Variants in TIAM2 observed in about 807,000 individuals in gnomAD.
TIAM2 encodes the protein TIAM Rac1 associated GEF 2.
In TIAM2, 80 loss-of-function variants were observed where a neutral mutation model predicts 152.9. The observed-to-expected ratio is 0.52, with a 90% CI of 0.44 to 0.63. The LOEUF is 0.63. Among genes scored for constraint, TIAM2 ranks in the 30% least tolerant of loss-of-function variants. TIAM2 has a pLI of 0.00. For missense variants in TIAM2, 1,965 were observed against 2,120.1 expected (o/e 0.93, Z 1.44); for synonymous variants, 804 against 838.0 (o/e 0.96, Z 0.70).
chr6:155,152,782 C>CT (rs1458470207), intron 7 of TIAM2, among the ~76,000 whole-genome samples: 7 of 152,030 alleles, frequency 4.6e-5, no homozygotes, highest in Non-Finnish European at 7.4e-5. Context: ...TTTGGCAACA[C>CT]TGAGAGGCTC....
chr6:155,227,288 G>A (rs548054175), intron 15 of TIAM2, among the ~76,000 whole-genome samples: 2 of 152,330 alleles, frequency 1.3e-5, no homozygotes, highest in South Asian at 4.1e-4. Context: ...TTTGTAAACT[G>A]CAGGGGTGCT....
intron 1 of TIAM2, among the ~76,000 whole-genome samples, chr6:155,017,762 C>A (rs755184552): frequency 6.6e-6 from 1 of 152,084 alleles, no homozygotes; most frequent in Non-Finnish European, 1.5e-5. Flanking sequence ...CTCGGCCTCC[C>A]AAAGTGCTGG....
chr6:155,059,426 C>T (rs993683849), intron 1 of TIAM2, among the ~76,000 whole-genome samples: 2 of 151,946 alleles, frequency 1.3e-5, no homozygotes, highest in African/African-American at 2.4e-5. Flanking sequence ...CAGGTTCAAG[C>T]GATTCTCCTG....
At position 155,183,359 on chromosome 6, in the gene TIAM2, C is replaced by G. The variant is rs764602867; in HGVS notation, c.2923C>G (p.Pro975Ala). ...CGGACTCACTCTGATTGCCCGGCCTCCGGACACAAAAGCAACCCTGTGTAC... is the reference window on the plus strand; with the variant it reads ...CGGACTCACTCTGATTGCCCGGCCTGCGGACACAAAAGCAACCCTGTGTAC... ...SVGLTLIARP[P>A]DTKATLCTSW... The change falls in exon 14 of 27, where the codon CCG becomes GCG. Residue 975 changes from proline (P) to alanine (A), a missense_variant. Physicochemically the swap from Pro to Ala is conservative, Grantham distance 27 (BLOSUM62 -1). This residue lies in a region of TIAM2 where 935 missense variants were observed against 980.0 expected (regional missense o/e 0.95). Coordinates refer to ENST00000682666, the MANE Select transcript of TIAM2 (RefSeq NM_012454.4). The G allele has an allele frequency of 6.2e-7, 1 of 1,613,416 alleles. No individual in the cohort carries two copies. Among genetic ancestry groups the G allele is most frequent in the Admixed American group, 1.7e-5 (1 of 59,974 alleles).
chr6:155,098,285 T>C (rs116752729), intron 2 of TIAM2, among the ~76,000 whole-genome samples: 2,966 of 152,306 alleles, frequency 0.019, 94 homozygotes, highest in African/African-American at 0.067. Flanking sequence ...ATTTTAACAA[T>C]ATTAATTCTT....
intron 1 of TIAM2, among the ~76,000 whole-genome samples, chr6:155,019,602 G>A (rs80229234): frequency 0.028 from 4,239 of 152,272 alleles, 167 homozygotes; most frequent in African/African-American, 0.097. Context: ...CCCCAAATAC[G>A]GCTTTTTGTT....
chr6:155,062,402 TAA>T (rs1175037045), intron 1 of TIAM2, among the ~76,000 whole-genome samples: 1 of 152,156 alleles, frequency 6.6e-6, no homozygotes, highest in Non-Finnish European at 1.5e-5. Context: ...TTTAGCTTTA[TAA>T]GACACTGCTA....
chr6:155,098,063 G>T (rs1778458230), intron 2 of TIAM2, among the ~76,000 whole-genome samples: 1 of 151,996 alleles, frequency 6.6e-6, no homozygotes, highest in African/African-American at 2.4e-5. Flanking sequence ...ATGCTCATTT[G>T]GTTGTTAGAG....
chr6:155,129,394 C>T lies in TIAM2; in HGVS notation c.171C>T (p.Ser57=). Residue 57 remains serine, a synonymous_variant, in exon 4 of 27, where the codon TCC becomes TCT. Transcript: ENST00000682666. This position sits in a 1 kb window ranked among gnomAD's most constrained non-coding sequence, Gnocchi z 4.8. The part of the protein sequence containing the change: ...GHGSNGAGYK[S]RSLARSCLSH... Reference sequence around the variant, plus strand: ...GAAGCAACGGAGCAGGTTACAAGTCCAGGTCCCTGGCCCGAAGCTGCCTTT... The same window carrying T: ...GAAGCAACGGAGCAGGTTACAAGTCTAGGTCCCTGGCCCGAAGCTGCCTTT... The T allele has an allele frequency of 6.2e-7, 1 of 1,614,068 alleles. No individual in the cohort carries two copies. The highest frequency in any genetic ancestry group is 8.5e-7 in the Non-Finnish European group (1 of 1,179,996).
chr6:155,237,986 T>C (rs1358134529), intron 15 of TIAM2, among the ~76,000 whole-genome samples: 1 of 152,222 alleles, frequency 6.6e-6, no homozygotes, highest in African/African-American at 2.4e-5. Flanking sequence ...CTTCAGAAAA[T>C]GGGATTTTCT....
intron 1 of TIAM2, among the ~76,000 whole-genome samples, chr6:155,001,026 T>C (rs1778304754): frequency 1.3e-5 from 2 of 152,152 alleles, no homozygotes; most frequent in African/African-American, 4.8e-5. Context: ...TTTTAGATTG[T>C]TGTGAGTAGA....
In TIAM2 at chr6:155,256,506, C is replaced by A. The variant is rs963957640; in HGVS notation, c.4491C>A (p.Val1497=). ...TAGCTTCATCCAGGTCTTTAAAAGTCCTGAAGAATTCCTCCAGCAACGAGT... is the reference window on the plus strand; with the variant it reads ...TAGCTTCATCCAGGTCTTTAAAAGTACTGAAGAATTCCTCCAGCAACGAGT... ...AKLASSRSLK[V]LKNSSSNEWT... is the part of the protein sequence containing the mutation. Residue 1497 remains valine, a synonymous_variant, in exon 27 of 27, where the codon GTC becomes GTA. Transcript: ENST00000682666. 6.2e-7 allele frequency: 1 copy of A among 1,614,188 alleles called. No homozygotes were observed. Among genetic ancestry groups the A allele is most frequent in the East Asian group, 2.2e-5 (1 of 44,886 alleles).
At chr6:155,120,561 T>C (rs1174664805) in intron 2 of TIAM2, among the ~76,000 whole-genome samples, 1 of 152,102 alleles carries the variant, frequency 6.6e-6, no homozygotes, top group Non-Finnish European at 1.5e-5. Flanking sequence ...ATTTACAGAG[T>C]TTATTAGTAA....
intron 14 of TIAM2, among the ~76,000 whole-genome samples, chr6:155,201,508 T>C (rs1474832831): frequency 6.6e-6 from 1 of 152,224 alleles, no homozygotes; most frequent in Admixed American, 6.5e-5. Context: ...TCTCTCGTCA[T>C]TGACTGTGTA....
chr6:155,172,323 A>G (rs1354320373), intron 9 of TIAM2, among the ~76,000 whole-genome samples: 1 of 151,948 alleles, frequency 6.6e-6, no homozygotes. Context: ...GATTCTCAGG[A>G]AGTTCTTTAT....
At chr6:155,067,997 G>A (rs1777742397) in intron 1 of TIAM2, among the ~76,000 whole-genome samples, 1 of 152,130 alleles carries the variant, frequency 6.6e-6, no homozygotes, top group African/African-American at 2.4e-5. Flanking sequence ...ACGTACAAGT[G>A]TTGCTATTTT....
intron 2 of TIAM2, among the ~76,000 whole-genome samples, chr6:155,099,920 T>G (rs1425888681): frequency 6.6e-6 from 1 of 152,368 alleles, no homozygotes; most frequent in South Asian, 2.1e-4. Context: ...GGCATGTGAC[T>G]GTAGTGAATA....
At chr6:155,056,423 T>C (rs1306393272) in intron 1 of TIAM2, among the ~76,000 whole-genome samples, 1 of 152,088 alleles carries the variant, frequency 6.6e-6, no homozygotes, top group Non-Finnish European at 1.5e-5. Flanking sequence ...CCGCCTGCCT[T>C]GGCCTCCCAA....
intron 9 of TIAM2, among the ~76,000 whole-genome samples, chr6:155,168,367 T>C (rs1780494794): frequency 6.6e-6 from 1 of 152,166 alleles, no homozygotes; most frequent in Admixed American, 6.6e-5. Flanking sequence ...TATTTATTTA[T>C]TTATTTATTT....
Sources: gnomAD v4.1 joint callset for allele counts (sites outside exome capture counted in the v4.1 genomes callset) on GRCh38, gnomAD v4.1.1 for gene constraint, gnomAD v4.1.1 regional missense constraint, Gnocchi (gnomAD v3.1) non-coding constraint, MANE v1.5 for transcripts, NCBI Gene and HGNC (gene_info 2026-07-23, HGNC 2026-07-21) for gene names.